Variants in NFATC3 observed in about 807,000 individuals in gnomAD.
The protein encoded by NFATC3 is nuclear factor of activated T cells 3.
Under a neutral mutation model 98.6 loss-of-function variants are expected in NFATC3, and 46 were observed. The observed-to-expected ratio is 0.47, with a 90% confidence interval of 0.37 to 0.60. The LOEUF is 0.60. Among genes scored for constraint, NFATC3 ranks in the 20% least tolerant of loss-of-function variants. The pLI is 0.00. For missense variants in NFATC3, 1,256 were observed against 1,295.5 expected (o/e 0.97, Z 0.47); for synonymous variants, 512 against 472.2 (o/e 1.08, Z -1.09).
In NFATC3 at chr16:68,122,618, T is replaced by C. The variant is rs370527980; in HGVS notation, c.735T>C (p.Pro245=). Residue 245 remains proline, a synonymous_variant, in exon 2 of 10, where the codon CCT becomes CCC. Coordinates refer to ENST00000346183, the MANE Select transcript of NFATC3 (RefSeq NM_173165.3). ...CCAGGCAATCTCCTTGCCACTCTCCTAGATCCAGTGTCACTGATGAGAATT... is the reference window on the plus strand; with the variant it reads ...CCAGGCAATCTCCTTGCCACTCTCCCAGATCCAGTGTCACTGATGAGAATT... ...LSPRQSPCHS[P]RSSVTDENWL... 1.9e-6 allele frequency: 3 copies of C among 1,614,096 alleles called. No homozygotes were observed. Among genetic ancestry groups the C allele is most frequent in the Non-Finnish European group, 2.5e-6 (3 of 1,180,016 alleles).
intron 3 of NFATC3, among the ~76,000 whole-genome samples, chr16:68,140,857 T>C (rs1273982372): frequency 6.6e-6 from 1 of 152,216 alleles, no homozygotes; most frequent in Non-Finnish European, 1.5e-5. Context: ...GGATGAATTG[T>C]GTAGTGGTGA....
At chr16:68,128,830 A>G (rs2036975914) in intron 3 of NFATC3, among the ~76,000 whole-genome samples, 1 of 152,054 alleles carries the variant, frequency 6.6e-6, no homozygotes, top group African/African-American at 2.4e-5. Flanking sequence ...AAACAAAAGC[A>G]GAACTGGTGC....
intron 9 of NFATC3, among the ~76,000 whole-genome samples, chr16:68,203,178 G>A (rs2041001190): frequency 6.6e-6 from 1 of 152,100 alleles, no homozygotes; most frequent in Admixed American, 6.6e-5. Context: ...GAAAAATTGA[G>A]TTTTAGGCCT....
intron 1 of NFATC3, among the ~76,000 whole-genome samples, chr16:68,121,206 C>T (rs2036555637): frequency 7.1e-6 from 1 of 141,838 alleles, no homozygotes; most frequent in East Asian, 2.1e-4. Flanking sequence ...ATTTTCTGTT[C>T]TTTGCAGCCT....
At chr16:68,090,091 G>A (rs541467757) in intron 1 of NFATC3, among the ~76,000 whole-genome samples, 7 of 151,976 alleles carry the variant, frequency 4.6e-5, no homozygotes, top group Non-Finnish European at 8.8e-5. Flanking sequence ...AATCTACAAT[G>A]TTTTTACTTT....
chr16:68,117,671 C>G (rs1168495354), intron 1 of NFATC3, among the ~76,000 whole-genome samples: 3 of 152,120 alleles, frequency 2.0e-5, no homozygotes, highest in Non-Finnish European at 4.4e-5. Context: ...TGCCACCATG[C>G]CTGGCTACTT....
chr16:68,167,257 C>G (rs932803432), intron 5 of NFATC3, among the ~76,000 whole-genome samples: 1 of 152,146 alleles, frequency 6.6e-6, no homozygotes, highest in African/African-American at 2.4e-5. Context: ...GACAACCTCT[C>G]TTGACCACAG....
intron 5 of NFATC3, among the ~76,000 whole-genome samples, chr16:68,169,254 C>CT (rs2151601470): frequency 6.6e-6 from 1 of 152,282 alleles, no homozygotes; most frequent in South Asian, 2.1e-4. Flanking sequence ...ATAGATCACT[C>CT]TATTTTAAAG....
intron 9 of NFATC3, among the ~76,000 whole-genome samples, chr16:68,207,269 C>G (rs2151148620): frequency 6.6e-6 from 1 of 150,788 alleles, no homozygotes; most frequent in Non-Finnish European, 1.5e-5. Context: ...GAGACCATGC[C>G]ATTGCACTCC....
chr16:68,146,861 C>T (rs900900032), intron 3 of NFATC3, among the ~76,000 whole-genome samples: 4 of 152,384 alleles, frequency 2.6e-5, no homozygotes, highest in African/African-American at 9.6e-5. Context: ...ATTACTGATA[C>T]TGGTGAAAGT....
intron 1 of NFATC3, among the ~76,000 whole-genome samples, chr16:68,097,060 C>T (rs1233227624): frequency 1.3e-5 from 2 of 151,968 alleles, no homozygotes; most frequent in East Asian, 3.8e-4. Flanking sequence ...GAATAGTGCT[C>T]AGATAGATTT....
chr16:68,185,731 C>T (rs987746615), intron 8 of NFATC3, among the ~76,000 whole-genome samples: 3 of 151,932 alleles, frequency 2.0e-5, no homozygotes, highest in African/African-American at 7.3e-5. Flanking sequence ...GGCATTGTGG[C>T]AGGTGCCTGT....
At chr16:68,085,970 T>A in intron 1 of NFATC3, 186 bp downstream of exon 1, 1 of 458,148 alleles carries the variant, frequency 2.2e-6, no homozygotes, top group South Asian at 3.8e-5. Flanking sequence ...CGCTGCGACG[T>A]GGAAGTGGTG....
chr16:68,188,447 C>T (rs998472351), intron 8 of NFATC3, among the ~76,000 whole-genome samples: 3 of 152,296 alleles, frequency 2.0e-5, no homozygotes, highest in Middle Eastern at 3.4e-3. Flanking sequence ...CAGAAGGTGG[C>T]GGGGCTTCCA....
intron 1 of NFATC3, among the ~76,000 whole-genome samples, chr16:68,114,576 CTTT>C (rs766989438): frequency 4.4e-5 from 6 of 136,740 alleles, no homozygotes; most frequent in Admixed American, 1.5e-4. Flanking sequence ...AGGAAAAGCA[CTTT>C]TTTTTTTTTT....
intron 9 of NFATC3, among the ~76,000 whole-genome samples, chr16:68,224,048 C>T (rs1048599544): frequency 1.4e-4 from 21 of 150,432 alleles, no homozygotes; most frequent in African/African-American, 4.6e-4. Context: ...AGATCGAGAC[C>T]GTCCTGGCTA....
At position 68,174,420 on chromosome 16, in the gene NFATC3, C is replaced by T; in HGVS notation, c.1821C>T (p.Ile607=). Residue 607 remains isoleucine (I), a synonymous_variant, in exon 6 of 10, where the codon ATC becomes ATT. Transcript: ENST00000346183. Reference sequence around the variant, plus strand: ...TTCCTCATATTGAGAAGTACAGTATCAACAGTTGTTCTGTAAATGGAGGTC... The same window carrying T: ...TTCCTCATATTGAGAAGTACAGTATTAACAGTTGTTCTGTAAATGGAGGTC... ...QELPHIEKYS[I]NSCSVNGGHE... is the part of the protein sequence containing the mutation. 1 of 1,603,096 alleles carries T rather than the reference C, an allele frequency of 6.2e-7. No homozygotes were observed. The highest frequency in any genetic ancestry group is 8.5e-7 in the Non-Finnish European group (1 of 1,174,586).
intron 1 of NFATC3, among the ~76,000 whole-genome samples, chr16:68,120,166 G>A (rs1311321283): frequency 4.0e-5 from 6 of 150,940 alleles, no homozygotes; most frequent in East Asian, 1.9e-4. Flanking sequence ...CTGTGGTCTC[G>A]GCTACTTGAA....
chr16:68,089,014 G>C, intron 1 of NFATC3: 1 of 985,376 alleles, frequency 1.0e-6, no homozygotes, highest in Non-Finnish European at 1.2e-6. Context: ...TTGAATCATT[G>C]CTCACTGCTC....
Sources: gnomAD v4.1 joint callset for allele counts (sites outside exome capture counted in the v4.1 genomes callset) on GRCh38, gnomAD v4.1.1 for gene constraint, MANE v1.5 for transcripts, NCBI Gene and HGNC (gene_info 2026-07-23, HGNC 2026-07-21) for gene names.